Variants in CTRC observed in about 807,000 individuals in gnomAD.
The protein encoded by CTRC is chymotrypsin-C.
A neutral mutation model predicts 35.7 loss-of-function variants in CTRC; 32 were observed. The observed-to-expected ratio is 0.90, with a 90% CI of 0.68 to 1.20. CTRC has a LOEUF of 1.20. CTRC is among the 50% of genes most tolerant of loss of function. The pLI is 0.00. For synonymous variants in CTRC, 119 were observed against 149.5 expected, an observed-to-expected ratio of 0.80 and a Z score of 1.49; for missense variants, 324 against 361.5, an observed-to-expected ratio of 0.90 and a Z score of 0.84.
chr1:15,440,235 C>A, intron 1 of CTRC, 65 bp from the exon 2 acceptor site: 1 of 709,174 alleles, frequency 1.4e-6, no homozygotes, highest in Non-Finnish European at 2.6e-6. Flanking sequence ...TGCCCACCCT[C>A]CCACCCCTTT....
chr1:15,446,692 T>G lies in CTRC; in HGVS notation c.*103T>G. Reference sequence around the variant, plus strand: ...ATTTGTGCAGCTTCTGTTGCTTCCCTCCTCTCTGGTGCTGCCCCTTTCCAC... The same window carrying G: ...ATTTGTGCAGCTTCTGTTGCTTCCCGCCTCTCTGGTGCTGCCCCTTTCCAC... On this transcript the variant is annotated 3_prime_UTR_variant, in exon 8 of 8. Coordinates refer to ENST00000375949, the MANE Select transcript of CTRC (RefSeq NM_007272.3). 1 of 1,334,076 alleles carries G rather than the reference T, an allele frequency of 7.5e-7. No homozygotes were observed. The highest frequency in any genetic ancestry group is 1.1e-6 in the Non-Finnish European group (1 of 926,092). The allele number at this position is 1,334,076 out of a possible 1,614,324, so 82.6% of individuals were successfully genotyped here. A position where few individuals can be genotyped will look rare whatever the true frequency, so the allele number is the denominator to read the frequency against.
At chr1:15,438,565 A>G in intron 1 of CTRC, 61 bp downstream of exon 1, 1 of 1,594,072 alleles carries the variant, frequency 6.3e-7, no homozygotes, top group Non-Finnish European at 8.6e-7. Flanking sequence ...CTCCAGGGCA[A>G]GGACGGGATG....
At chr1:15,443,186 G>A (rs1277183573) in intron 4 of CTRC, among the ~76,000 whole-genome samples, 2 of 152,190 alleles carry the variant, frequency 1.3e-5, no homozygotes, top group African/African-American at 4.8e-5. Flanking sequence ...ACCCTTTCCC[G>A]AGGTGATGAC....
At chr1:15,444,995 C>T (rs755693571) in intron 6 of CTRC, among the ~76,000 whole-genome samples, 8 of 152,118 alleles carry the variant, frequency 5.3e-5, no homozygotes, top group Non-Finnish European at 8.8e-5. Context: ...TTGGGAGGGC[C>T]GTTGAACCTC....
In CTRC at chr1:15,446,744, T is replaced by TGG; in HGVS notation, c.*155_*156insGG. On this transcript the variant is annotated 3_prime_UTR_variant, in exon 8 of 8. Transcript: ENST00000375949. ...CTATGGAGCCAAAGAGAGACCCCAC[T>TGG]CAGCCAGTTTCCCCCACCCTGCATT... 1 of 857,684 alleles carries TGG rather than the reference T, an allele frequency of 1.2e-6. No individual in the cohort carries two copies. Among genetic ancestry groups the TGG allele is most frequent in the South Asian group, 1.4e-5 (1 of 71,878 alleles). 53.1% of individuals were successfully genotyped at this position (857,684 alleles called of 1,614,324 possible).
intron 5 of CTRC, among the ~76,000 whole-genome samples, 164 bp from the exon 6 acceptor site, chr1:15,444,442 G>C (rs571447280): frequency 1.3e-5 from 2 of 151,508 alleles, no homozygotes; most frequent in South Asian, 4.1e-4. Context: ...GACCCTCTGG[G>C]ACCTTGGCTT....
rs1708151587 is a variant in CTRC at position 15,442,545 on chromosome 1, A to G, written c.329A>G (p.His110Arg). 1.2e-6 allele frequency: 2 copies of G among 1,614,146 alleles called. No homozygotes were observed. Among genetic ancestry groups the G allele is most frequent in the Non-Finnish European group, 1.7e-6 (2 of 1,179,994 alleles). ...GTGGGTGTGGACACCATCCACGTCC[A>G]CAAGAGATGGAATGCCCTCCTGTTG... ...LFVGVDTIHV[H>R]KRWNALLLRN... Residue 110 changes from histidine to arginine, a missense_variant, in exon 4 of 8, where the codon CAC becomes CGC. Coordinates refer to ENST00000375949, the MANE Select transcript of CTRC (RefSeq NM_007272.3).
chr1:15,445,164 A>G (rs1557510571), intron 6 of CTRC, among the ~76,000 whole-genome samples: 1 of 152,100 alleles, frequency 6.6e-6, no homozygotes, highest in Non-Finnish European at 1.5e-5. Flanking sequence ...AGAACCATAA[A>G]ACATCTAAGA....
At chr1:15,442,709 T>A in intron 4 of CTRC, 137 bp downstream of exon 4, 1 of 1,265,172 alleles carries the variant, frequency 7.9e-7, no homozygotes. Flanking sequence ...AATGACTGTC[T>A]TACACAAAAT....
At position 15,445,696 on chromosome 1, in the gene CTRC, A is replaced by G; in HGVS notation, c.739A>G (p.Lys247Glu). The part of the protein sequence containing the change: ...FGSRRGCNTR[K>E]KPVVYTRVSA... ...CTCCCGGCGGGGCTGCAACACCCGCAAGAAGCCGGTAGTCTACACCCGGGT... is the reference window on the plus strand; with the variant it reads ...CTCCCGGCGGGGCTGCAACACCCGCGAGAAGCCGGTAGTCTACACCCGGGT... The change falls in exon 7 of 8, where the codon AAG becomes GAG. Residue 247 changes from lysine to glutamate, a missense_variant. Transcript: ENST00000375949. The G allele has an allele frequency of 6.2e-7, 1 of 1,613,904 alleles. No homozygotes were observed. The highest frequency in any genetic ancestry group is 8.5e-7 in the Non-Finnish European group (1 of 1,179,802).
At chr1:15,442,702 GA>G in intron 4 of CTRC, 130 bp downstream of exon 4, 1 of 1,339,318 alleles carries the variant, frequency 7.5e-7, no homozygotes. Flanking sequence ...GCCAGCAAAT[GA>G]CTGTCTTACA....
intron 6 of CTRC, 41 bp from the exon 7 acceptor site, chr1:15,445,556 G>GA: frequency 6.2e-7 from 1 of 1,605,234 alleles, no homozygotes; most frequent in African/African-American, 1.3e-5. Flanking sequence ...ACTTCCTCTG[G>GA]GGGGGGGCCT....
At chr1:15,438,546 C>T (rs200861519) in intron 1 of CTRC, 42 bp downstream of exon 1, 172 of 1,612,022 alleles carry the variant, frequency 1.1e-4, no homozygotes, top group Non-Finnish European at 1.3e-4. Context: ...GCTGTGAGCT[C>T]GGGCTGGCCT....
chr1:15,442,003 A>G (rs572664869), intron 3 of CTRC, among the ~76,000 whole-genome samples: 1 of 152,186 alleles, frequency 6.6e-6, no homozygotes, highest in African/African-American at 2.4e-5. Context: ...CGGCTTCCCA[A>G]CGTGCTGGGA....
rs1405330397 is a variant in CTRC at position 15,448,010 on chromosome 1, C to T, written c.*1421C>T. 6.6e-6 allele frequency: 1 copy of T among 152,178 alleles called. No individual in the cohort carries two copies. The highest frequency in any genetic ancestry group is 1.5e-5 in the Non-Finnish European group (1 of 68,040). The allele number at this position is 152,178 out of a possible 1,614,324, so 9.4% of individuals were successfully genotyped here. A position where few individuals can be genotyped will look rare whatever the true frequency, so the allele number is the denominator to read the frequency against. On this transcript the variant is annotated 3_prime_UTR_variant, in exon 8 of 8. Transcript: ENST00000375949. ...ACAGACCAGAAGCATAGAAACAGGACACCTGAAGCAGTGTCAGTTGGCGGG... is the reference window on the plus strand; with the variant it reads ...ACAGACCAGAAGCATAGAAACAGGATACCTGAAGCAGTGTCAGTTGGCGGG...
intron 7 of CTRC, 122 bp from the exon 8 acceptor site, chr1:15,446,453 G>T (rs1484374942): frequency 1.1e-5 from 10 of 943,924 alleles, no homozygotes; most frequent in Non-Finnish European, 1.7e-5. Flanking sequence ...GGACAAGGCT[G>T]GCATGTGAAG....
At chr1:15,445,839 TATTC>T (rs1023252013) in intron 7 of CTRC, 90 bp downstream of exon 7, 56 of 1,454,278 alleles carry the variant, frequency 3.9e-5, no homozygotes, top group African/African-American at 2.8e-4. Context: ...TTCATGCGTT[TATTC>T]ATTCATTCAT....
Position 15,445,626 on chromosome 1 carries a change from G to T in CTRC, c.669G>T (p.Gln223His). 1 of 1,614,200 alleles carries T rather than the reference G, an allele frequency of 6.2e-7. No homozygotes were observed. Among genetic ancestry groups the T allele is most frequent in the Non-Finnish European group, 8.5e-7 (1 of 1,180,024 alleles). Reference sequence around the variant, plus strand: ...ACTCCGGTGGCCCACTGAACTGCCAGTTGGAGAACGGTTCCTGGGAGGTGT... The same window carrying T: ...ACTCCGGTGGCCCACTGAACTGCCATTTGGAGAACGGTTCCTGGGAGGTGT... ...NGDSGGPLNC[Q>H]LENGSWEVFG... The change falls in exon 7 of 8, where the codon CAG becomes CAT. Residue 223 changes from glutamine (Q) to histidine (H), a missense_variant. Gln to His is a conservative substitution (Grantham distance 24). Coordinates refer to ENST00000375949, the MANE Select transcript of CTRC (RefSeq NM_007272.3).
chr1:15,443,758 C>T (rs189329594), intron 5 of CTRC, among the ~76,000 whole-genome samples: 12 of 152,246 alleles, frequency 7.9e-5, no homozygotes, highest in Admixed American at 2.0e-4. Context: ...AAAGTTTAGA[C>T]GAATTAGAAT....
Sources: gnomAD v4.1 joint callset for allele counts (sites outside exome capture counted in the v4.1 genomes callset) on GRCh38, gnomAD v4.1.1 for gene constraint, MANE v1.5 for transcripts, NCBI Gene and HGNC (gene_info 2026-07-23, HGNC 2026-07-21) for gene names.